The following FKBP1B variants were observed in gnomAD, a reference collection of about 807,000 sequenced individuals.
FKBP1B encodes the protein peptidyl-prolyl cis-trans isomerase FKBP1B.
FKBP1B carries 4 observed loss-of-function variants against 13.5 expected under a neutral mutation model. That is an observed-to-expected ratio of 0.30 (90% CI 0.15 to 0.68). FKBP1B has a LOEUF of 0.68. Among genes scored for constraint, FKBP1B ranks in the 30% least tolerant of loss-of-function variants. The pLI, the probability that FKBP1B is intolerant of heterozygous loss-of-function variation, is 0.76. For missense variants in FKBP1B, 93 were observed against 136.2 expected (o/e 0.68, Z 1.58); for synonymous variants, 54 against 53.6 (o/e 1.01, Z -0.03).
the FKBP1B span, chr2:24,037,783 A>G: frequency 3.7e-5 from 59 of 1,614,142 alleles, no homozygotes; most frequent in Middle Eastern, 4.9e-4. Flanking sequence ...ACACCGTTGC[A>G]TTTCAACCAG....
chr2:24,047,794 G>C (rs1663678429), upstream of FKBP1B, among the ~76,000 whole-genome samples: 1 of 152,188 alleles, frequency 6.6e-6, no homozygotes, highest in Non-Finnish European at 1.5e-5. Flanking sequence ...ACTGTGCATT[G>C]AGCTGAAGCC....
chr2:24,060,691 T>G, intron 2 of FKBP1B, 123 bp from the exon 3 acceptor site: 1 of 679,594 alleles, frequency 1.5e-6, no homozygotes, highest in East Asian at 2.8e-5. Flanking sequence ...ACAGGATGGA[T>G]GGGGAGGATC....
At chr2:24,037,996 T>G in the FKBP1B span, 1 of 1,614,200 alleles carries the variant, frequency 6.2e-7, no homozygotes, top group East Asian at 2.2e-5. Flanking sequence ...CAGAGGACTC[T>G]GGATTTCTTT....
At chr2:24,038,700 A>G in the FKBP1B span, 1 of 1,614,266 alleles carries the variant, frequency 6.2e-7, no homozygotes, top group South Asian at 1.1e-5. Flanking sequence ...TTTCAGAATC[A>G]GTTGCCTCTT....
chr2:24,055,794 T>C (rs1169462929), intron 2 of FKBP1B, among the ~76,000 whole-genome samples: 1 of 152,194 alleles, frequency 6.6e-6, no homozygotes, highest in African/African-American at 2.4e-5. Flanking sequence ...TCTCTTAGTG[T>C]ACATGTGTAC....
chr2:24,036,092 A>T, the FKBP1B span, among the ~76,000 whole-genome samples: 1 of 150,086 alleles, frequency 6.7e-6, no homozygotes, highest in South Asian at 2.1e-4. Context: ...AAATAAATAA[A>T]TAAATAAATA....
intron 2 of FKBP1B, among the ~76,000 whole-genome samples, chr2:24,058,817 A>T (rs149559202): frequency 9.2e-5 from 14 of 152,388 alleles, no homozygotes; most frequent in African/African-American, 3.4e-4. Flanking sequence ...TAGCAAATGC[A>T]TGCGATTGTA....
intron 2 of FKBP1B, among the ~76,000 whole-genome samples, chr2:24,058,325 G>T (rs1664231813): frequency 6.6e-6 from 1 of 151,158 alleles, no homozygotes. Flanking sequence ...TGATTTTTTT[G>T]TGTGTGGATT....
At chr2:24,041,858 CAAAAAAA>C in the FKBP1B span, among the ~76,000 whole-genome samples, 2 of 93,224 alleles carry the variant, frequency 2.1e-5, no homozygotes, top group East Asian at 3.4e-4. Context: ...AACTCTGTCT[CAAAAAAA>C]AAAAAAAAAA....
At chr2:24,037,391 C>T in the FKBP1B span, among the ~76,000 whole-genome samples, 1 of 152,208 alleles carries the variant, frequency 6.6e-6, no homozygotes, top group Non-Finnish European at 1.5e-5. Flanking sequence ...AATGAAATAA[C>T]ATGATTTTTT....
intron 1 of FKBP1B, among the ~76,000 whole-genome samples, chr2:24,053,166 C>T (rs865880178): frequency 4.6e-5 from 7 of 151,974 alleles, no homozygotes; most frequent in African/African-American, 1.7e-4. Flanking sequence ...GGGTAGAGTG[C>T]AGTAGCATGA....
At chr2:24,046,865 C>T (rs1663642739), upstream of FKBP1B, among the ~76,000 whole-genome samples, 1 of 152,166 alleles carries the variant, frequency 6.6e-6, no homozygotes, top group Admixed American at 6.6e-5. Flanking sequence ...CGGTTTTCAT[C>T]TAACATTATA....
intron 1 of FKBP1B, among the ~76,000 whole-genome samples, chr2:24,052,261 T>C (rs189809964): frequency 6.6e-6 from 1 of 152,334 alleles, no homozygotes; most frequent in East Asian, 1.9e-4. Flanking sequence ...GCCAGAGTGA[T>C]GTTATAAAAT....
At chr2:24,060,729 G>A (rs998710414) in intron 2 of FKBP1B, 85 bp from the exon 3 acceptor site, 1 of 957,646 alleles carries the variant, frequency 1.0e-6, no homozygotes, top group African/African-American at 1.6e-5. Flanking sequence ...GTGCAGAAAA[G>A]GCATTCCATT....
chr2:24,060,958 G>A, intron 3 of FKBP1B, 32 bp downstream of exon 3: 2 of 1,516,660 alleles, frequency 1.3e-6, no homozygotes, highest in East Asian at 2.3e-5. Context: ...AAGGGGATCT[G>A]GGGAGTTGGG....
the FKBP1B span, among the ~76,000 whole-genome samples, chr2:24,042,634 G>C: frequency 6.9e-6 from 1 of 145,884 alleles, no homozygotes; most frequent in South Asian, 2.2e-4. Context: ...GCTTGAACCC[G>C]GGAGGTGGAG....
Position 24,059,918 on chromosome 2 carries a change from A to AAT in FKBP1B, c.86-896_86-895insAT, listed in dbSNP as rs397728099. ...TCAAAAAAAAAAAAAAAAAAAAAAA[A>AAT]GTTGAAAAGTGCAGAGGAATTTGAG... On this transcript the variant is annotated intron_variant, in intron 2 of 3. Transcript: ENST00000380986. 4.1e-5 allele frequency among the ~76,000 whole-genome samples: 6 copies of AAT among 145,388 alleles called. No homozygotes were observed. The East Asian group carries it at 7.9e-4, about 19-fold the overall frequency.
Position 24,063,283 on chromosome 2 carries a change from C to T in FKBP1B, c.*91C>T. 1 of 1,297,040 alleles carries T rather than the reference C, an allele frequency of 7.7e-7. No individual in the cohort carries two copies. Among genetic ancestry groups the T allele is most frequent in the Non-Finnish European group, 1.0e-6 (1 of 960,688 alleles). The allele number at this position is 1,297,040 out of a possible 1,614,324, so 80.3% of individuals were successfully genotyped here. A position where few individuals can be genotyped will look rare whatever the true frequency, so the allele number is the denominator to read the frequency against. The stretch of plus-strand genomic sequence containing the variant: ...TGGGACGGCTCCTGCTTTTGGGGCT[C>T]TTGATCAGTGTGCTAACCTCACTGC... On this transcript the variant is annotated 3_prime_UTR_variant, in exon 4 of 4. Coordinates refer to ENST00000380986, the MANE Select transcript of FKBP1B (RefSeq NM_004116.5).
chr2:24,050,027 G>A lies in FKBP1B; in HGVS notation c.37+141G>A. ...GGGAAGGCAGGCGGAGACGCCGGACGGGATTCTTGGGGGTCTAGGAGACCA... is the reference window on the plus strand; with the variant it reads ...GGGAAGGCAGGCGGAGACGCCGGACAGGATTCTTGGGGGTCTAGGAGACCA... On this transcript the variant is annotated intron_variant, in intron 1 of 3. Transcript: ENST00000380986. The surrounding 1 kb of genome is among the most constrained non-coding windows in gnomAD (Gnocchi z 5.8). 1.9e-6 allele frequency: 1 copy of A among 539,674 alleles called. No individual in the cohort carries two copies. The highest frequency in any genetic ancestry group is 5.9e-5 in the South Asian group (1 of 16,994). The allele number at this position is 539,674 out of a possible 1,614,324, so 33.4% of individuals were successfully genotyped here.
Sources: gnomAD v4.1 joint callset for allele counts (sites outside exome capture counted in the v4.1 genomes callset) on GRCh38, gnomAD v4.1.1 for gene constraint, Gnocchi (gnomAD v3.1) non-coding constraint, MANE v1.5 for transcripts, NCBI Gene and HGNC (gene_info 2026-07-23, HGNC 2026-07-21) for gene names.